Variants in NFIC observed in about 807,000 individuals in gnomAD.
NFIC encodes the protein nuclear factor I C, also known as nuclear factor 1 C-type.
NFIC carries 12 observed loss-of-function variants against 54.4 expected under a neutral mutation model. The observed-to-expected ratio is 0.22, with a 90% confidence interval of 0.14 to 0.36. NFIC has a LOEUF of 0.36. NFIC is among the 10% of genes least tolerant of loss of function. NFIC has a pLI of 1.00. For missense variants in NFIC, 575 were observed against 718.2 expected, an observed-to-expected ratio of 0.80 and a Z score of 2.28; for synonymous variants, 322 against 319.2, an observed-to-expected ratio of 1.01 and a Z score of -0.09.
At chr19:3,380,221 G>C (rs1385484717) in intron 1 of NFIC, among the ~76,000 whole-genome samples, 1 of 145,794 alleles carries the variant, frequency 6.9e-6, no homozygotes, top group Non-Finnish European at 1.5e-5. Context: ...AGCCAGGATG[G>C]TCTCAATCTC....
At chr19:3,462,611 A>G in intron 10 of NFIC, 141 bp from the exon 11 acceptor site, 1 of 934,674 alleles carries the variant, frequency 1.1e-6, no homozygotes, top group Non-Finnish European at 1.7e-6. Context: ...AGAGCCTGGG[A>G]TGGGGAAACT....
intron 2 of NFIC, among the ~76,000 whole-genome samples, chr19:3,383,963 T>C (rs2081252506): frequency 6.6e-6 from 1 of 152,100 alleles, no homozygotes; most frequent in African/African-American, 2.4e-5. Context: ...CATGCCACCT[T>C]CTAGAGCTGG....
At chr19:3,367,474 C>T (rs1376655263) in intron 1 of NFIC, among the ~76,000 whole-genome samples, 1 of 82,858 alleles carries the variant, frequency 1.2e-5, no homozygotes, top group Non-Finnish European at 3.8e-5. Flanking sequence ...CTGCCCCGTC[C>T]CCTCCCCCTC....
At chr19:3,441,369 C>T (rs989894203) in intron 6 of NFIC, among the ~76,000 whole-genome samples, 2 of 152,236 alleles carry the variant, frequency 1.3e-5, no homozygotes, top group African/African-American at 4.8e-5. Context: ...ATTTCCCCTC[C>T]CGGCAACACT....
chr19:3,461,088 G>A (rs920376854), intron 10 of NFIC, among the ~76,000 whole-genome samples: 3 of 151,962 alleles, frequency 2.0e-5, no homozygotes, highest in African/African-American at 7.2e-5. Context: ...TCGTGCCACT[G>A]CACTCCAGCC....
At chr19:3,411,515 A>T (rs558869027) in intron 2 of NFIC, among the ~76,000 whole-genome samples, 1 of 151,468 alleles carries the variant, frequency 6.6e-6, no homozygotes, top group African/African-American at 2.4e-5. Flanking sequence ...TTTAGTAGAG[A>T]CCAGGTTTCA....
intron 2 of NFIC, among the ~76,000 whole-genome samples, chr19:3,406,025 A>G (rs2081643901): frequency 6.6e-6 from 1 of 152,040 alleles, no homozygotes; most frequent in Admixed American, 6.6e-5. Context: ...GGCTCAAGCA[A>G]TCCTCTCACT....
rs1244660084 is a variant in NFIC at position 3,467,781 on chromosome 19, A to ATATATATATATATG, written c.*5020_*5021insTATATGTATATATA. 7.4e-6 allele frequency: 1 copy of ATATATATATATATG among 135,142 alleles called. No homozygotes were observed. The highest frequency in any genetic ancestry group is 3.0e-5 in the African/African-American group (1 of 33,120). The allele number at this position is 135,142 out of a possible 1,614,324, so 8.4% of individuals were successfully genotyped here. A position where few individuals can be genotyped will look rare whatever the true frequency, so the allele number is the denominator to read the frequency against. ...TACATATATATATATATATATATAT[A>ATATATATATATATG]TATATATAATTTTGGAATTTGTTTC... On this transcript the variant is annotated 3_prime_UTR_variant, in exon 11 of 11. Transcript: ENST00000443272.
At chr19:3,363,932 C>T (rs1478525727), upstream of NFIC, among the ~76,000 whole-genome samples, 1 of 152,224 alleles carries the variant, frequency 6.6e-6, no homozygotes, top group East Asian at 1.9e-4. Context: ...TGTCCCCCCA[C>T]TTGTCTCTTG....
chr19:3,453,655 G>C lies in NFIC; in HGVS notation c.1270-108G>C. On this transcript the variant is annotated intron_variant, in intron 8 of 10. Transcript: ENST00000443272. The surrounding 1 kb of genome is among the most constrained non-coding windows in gnomAD (Gnocchi z 6.7). ...GTCACACCCGCGCCCTGGCCCCCCAGCCTGCCACCCCGTCCGGGCCGTGCA... is the reference window on the plus strand; with the variant it reads ...GTCACACCCGCGCCCTGGCCCCCCACCCTGCCACCCCGTCCGGGCCGTGCA... 1 of 1,427,272 alleles carries C rather than the reference G, an allele frequency of 7.0e-7. No individual in the cohort carries two copies. Among genetic ancestry groups the C allele is most frequent in the Non-Finnish European group, 9.2e-7 (1 of 1,085,558 alleles). 88.4% of individuals were successfully genotyped at this position (1,427,272 alleles called of 1,614,324 possible).
chr19:3,441,024 A>T (rs1177241300), intron 6 of NFIC, among the ~76,000 whole-genome samples: 1 of 151,978 alleles, frequency 6.6e-6, no homozygotes, highest in Non-Finnish European at 1.5e-5. Flanking sequence ...TGTGTTGCCC[A>T]GGCTGGTCTT....
chr19:3,420,158 A>G (rs2081930659), intron 2 of NFIC, among the ~76,000 whole-genome samples: 1 of 152,080 alleles, frequency 6.6e-6, no homozygotes, highest in Non-Finnish European at 1.5e-5. Context: ...CCGTATCTAC[A>G]AATAATACAA....
At chr19:3,442,847 C>T (rs1164836501) in intron 6 of NFIC, among the ~76,000 whole-genome samples, 2 of 152,234 alleles carry the variant, frequency 1.3e-5, no homozygotes, top group Non-Finnish European at 2.9e-5. Flanking sequence ...GTGAAATGGG[C>T]GCAGCTCCTG....
At position 3,419,048 on chromosome 19, in the gene NFIC, TG is replaced by T. The variant is rs1003317050; in HGVS notation, c.563-6056del. ...AGATTCATAGAGACAGAAAGTAGGT[TG>T]GCGGGGTCAGGGGGTGTCGGAGGCT... is the stretch of plus-strand genomic sequence containing the variant. On this transcript the variant is annotated intron_variant, in intron 2 of 10. Transcript: ENST00000443272. 5.3e-5 allele frequency among the ~76,000 whole-genome samples: 8 copies of T among 150,640 alleles called. No individual in the cohort carries two copies. The Admixed American group carries it at 5.3e-4, about 10-fold the overall frequency.
chr19:3,439,673 A>G (rs1260433730), intron 6 of NFIC, among the ~76,000 whole-genome samples: 1 of 150,468 alleles, frequency 6.6e-6, no homozygotes, highest in African/African-American at 2.5e-5. Flanking sequence ...CCCAGTGAAG[A>G]GAAAACACTG....
intron 3 of NFIC, among the ~76,000 whole-genome samples, chr19:3,429,810 T>C (rs2082093272): frequency 6.6e-6 from 1 of 152,152 alleles, no homozygotes; most frequent in South Asian, 2.1e-4. Context: ...GCCAAGTGCA[T>C]TTCTACCCGG....
chr19:3,381,662 C>A, intron 1 of NFIC, 50 bp from the exon 2 acceptor site: 8 of 1,587,298 alleles, frequency 5.0e-6, no homozygotes, highest in East Asian at 2.3e-5. Flanking sequence ...GCAGTGGGTC[C>A]GCCCTCTGCG....
At position 3,391,421 on chromosome 19, in the gene NFIC, CG is replaced by C; in HGVS notation, c.562+9181del. Among the ~76,000 whole-genome samples the C allele has an allele frequency of 2.6e-5, 4 of 152,236 alleles. 1 individual carries two copies. Among genetic ancestry groups the C allele is most frequent in the Admixed American group, 2.6e-4 (4 of 15,272 alleles). ...ATCTCAGCACTTTGGGAGGCTGAGG[CG>C]GGAAGATGACTTGAGGTCAAGAATT... On this transcript the variant is annotated intron_variant, in intron 2 of 10. Coordinates refer to ENST00000443272, the MANE Select transcript of NFIC (RefSeq NM_001245002.2).
intron 2 of NFIC, among the ~76,000 whole-genome samples, chr19:3,399,026 C>A (rs1409939557): frequency 1.3e-5 from 2 of 152,228 alleles, no homozygotes; most frequent in African/African-American, 2.4e-5. Flanking sequence ...ACGCCCAGTG[C>A]TTGGGCAGAG....
Sources: gnomAD v4.1 joint callset for allele counts (sites outside exome capture counted in the v4.1 genomes callset) on GRCh38, gnomAD v4.1.1 for gene constraint, Gnocchi (gnomAD v3.1) non-coding constraint, MANE v1.5 for transcripts, NCBI Gene and HGNC (gene_info 2026-07-23, HGNC 2026-07-21) for gene names.